EPB41L3: variants seen among roughly 807,000 people sequenced by gnomAD.
The protein encoded by EPB41L3 is erythrocyte membrane protein band 4.1 like 3, also known as band 4.1-like protein 3.
EPB41L3 carries 57 observed loss-of-function variants against 127.1 expected under a neutral mutation model. That is an observed-to-expected ratio of 0.45 (90% CI 0.36 to 0.56). The LOEUF (loss-of-function observed/expected upper bound fraction) is 0.56. EPB41L3 is among the 20% of genes least tolerant of loss of function. The probability of loss-of-function intolerance (pLI) is 0.00; values close to 1 mark genes in which losing one functional copy is unlikely to be tolerated. For missense variants in EPB41L3, 1,273 were observed against 1,372.2 expected (o/e 0.93, Z 1.14); for synonymous variants, 572 against 549.5 (o/e 1.04, Z -0.57).
In EPB41L3 at chr18:5,408,276, T is replaced by TTC. The variant is rs1568020227; in HGVS notation, c.2122-541_2122-540insGA. ...CCTTGATTTTCTTTTCTTTTTTCTTTTTTTTTTTTTTTTTTGAGACAGAGT... is the reference window on the plus strand; with the variant it reads ...CCTTGATTTTCTTTTCTTTTTTCTTTTCTTTTTTTTTTTTTTTGAGACAGAGT... On this transcript the variant is annotated intron_variant, in intron 14 of 22. Transcript: ENST00000341928. 4.8e-5 allele frequency among the ~76,000 whole-genome samples: 7 copies of TTC among 144,634 alleles called. No individual in the cohort carries two copies. In the South Asian group the frequency reaches 1.5e-3, roughly 31 times the overall value. 94.9% of individuals were successfully genotyped at this position (144,634 alleles called of 152,430 possible).
chr18:5,545,873 CTGTGTGTGTGTGTGTGTGTG>C (rs36213569), upstream of EPB41L3, among the ~76,000 whole-genome samples: 30 of 146,974 alleles, frequency 2.0e-4, no homozygotes, highest in African/African-American at 5.8e-4. Flanking sequence ...CTGTATGACT[CTGTGTGTGTGTGTGTGTGTG>C]TGTGTGTGTG....
intron 3 of EPB41L3, among the ~76,000 whole-genome samples, chr18:5,465,121 A>C (rs1231485977): frequency 6.6e-6 from 1 of 152,248 alleles, no homozygotes; most frequent in Non-Finnish European, 1.5e-5. Flanking sequence ...TAATCTCAGC[A>C]GGTTCAAACA....
chr18:5,618,201 C>A (rs933899957), intron 1 of EPB41L3, among the ~76,000 whole-genome samples: 4 of 152,178 alleles, frequency 2.6e-5, no homozygotes, highest in African/African-American at 9.7e-5. Flanking sequence ...TAGGTCTCTG[C>A]CTTTTATCAC....
intron 3 of EPB41L3, among the ~76,000 whole-genome samples, chr18:5,604,808 T>A (rs2094631408): frequency 6.6e-6 from 1 of 152,094 alleles, no homozygotes; most frequent in Non-Finnish European, 1.5e-5. Context: ...TTTCATTTCC[T>A]CTCCTTATCC....
chr18:5,607,451 C>T (rs778684532), intron 3 of EPB41L3, among the ~76,000 whole-genome samples: 27 of 152,190 alleles, frequency 1.8e-4, no homozygotes, highest in Non-Finnish European at 2.8e-4. Context: ...AGATAATTCT[C>T]TGCTTTTCAT....
At chr18:5,544,192 A>T, upstream of EPB41L3, 1 of 985,516 alleles carries the variant, frequency 1.0e-6, no homozygotes, top group African/African-American at 1.7e-5. Flanking sequence ...GGACAGTTAC[A>T]TGGGCACAGC....
At chr18:5,604,157 A>G (rs978210129) in intron 3 of EPB41L3, among the ~76,000 whole-genome samples, 1 of 152,024 alleles carries the variant, frequency 6.6e-6, no homozygotes, top group Non-Finnish European at 1.5e-5. Context: ...TTGTAATAGT[A>G]TTAGAATCAT....
At chr18:5,441,614 C>A (rs888537291) in intron 5 of EPB41L3, among the ~76,000 whole-genome samples, 6 of 152,034 alleles carry the variant, frequency 3.9e-5, no homozygotes, top group Admixed American at 6.5e-5. Context: ...TACAGGCGCA[C>A]GCCACCATGC....
chr18:5,505,342 T>TG (rs1165314871), intron 1 of EPB41L3, among the ~76,000 whole-genome samples: 4 of 152,076 alleles, frequency 2.6e-5, no homozygotes, highest in Non-Finnish European at 5.9e-5. Flanking sequence ...ATGCACCACA[T>TG]GGTCCTTCAG....
upstream of EPB41L3, among the ~76,000 whole-genome samples, chr18:5,547,268 A>T (rs1279707236): frequency 6.6e-6 from 1 of 152,168 alleles, no homozygotes; most frequent in African/African-American, 2.4e-5. Context: ...AGAATTCTTT[A>T]TTCTTGTCAA....
chr18:5,485,961 T>C (rs1264430591), intron 2 of EPB41L3, among the ~76,000 whole-genome samples: 3 of 152,080 alleles, frequency 2.0e-5, no homozygotes, highest in African/African-American at 7.2e-5. Flanking sequence ...AAAATACCTA[T>C]GACACTCTTC....
At chr18:5,547,096 C>T (rs1218952734), upstream of EPB41L3, among the ~76,000 whole-genome samples, 1 of 152,102 alleles carries the variant, frequency 6.6e-6, no homozygotes, top group African/African-American at 2.4e-5. Flanking sequence ...CTATTTAGCT[C>T]TCATCAGGAA....
intron 13 of EPB41L3, among the ~76,000 whole-genome samples, chr18:5,411,547 TC>T (rs2076194080): frequency 6.6e-6 from 1 of 152,100 alleles, no homozygotes; most frequent in African/African-American, 2.4e-5. Flanking sequence ...AACTGTTTTC[TC>T]TCGAGTAGAG....
chr18:5,435,995 GA>G (rs1398143084), intron 6 of EPB41L3, among the ~76,000 whole-genome samples: 1 of 152,198 alleles, frequency 6.6e-6, no homozygotes, highest in Admixed American at 6.5e-5. Context: ...TTAAACTGGA[GA>G]AATTAACATT....
chr18:5,479,383 G>A (rs940364293), intron 2 of EPB41L3, among the ~76,000 whole-genome samples: 2 of 152,110 alleles, frequency 1.3e-5, no homozygotes, highest in East Asian at 1.9e-4. Flanking sequence ...TTCCTTTCCC[G>A]TGTACATACT....
At chr18:5,626,017 C>T (rs1337518734) in intron 1 of EPB41L3, among the ~76,000 whole-genome samples, 1 of 151,884 alleles carries the variant, frequency 6.6e-6, no homozygotes, top group Non-Finnish European at 1.5e-5. Context: ...GAAATCGCAC[C>T]CAATCAGCCC....
intron 11 of EPB41L3, among the ~76,000 whole-genome samples, chr18:5,422,159 CAG>C (rs1960708070): frequency 1.3e-5 from 2 of 152,108 alleles, no homozygotes; most frequent in African/African-American, 2.4e-5. Flanking sequence ...TCAACCACCG[CAG>C]AGACAGAGGG....
At chr18:5,407,291 G>A in intron 15 of EPB41L3, 1 of 391,678 alleles carries the variant, frequency 2.6e-6, no homozygotes, top group Non-Finnish European at 4.6e-6. Context: ...ATATCTAGGA[G>A]CGAATAACAA....
At position 5,434,147 on chromosome 18, in the gene EPB41L3, A is replaced by G. The variant is rs754071832; in HGVS notation, c.606-26T>C. On this transcript the variant is annotated intron_variant, in intron 6 of 22. Transcript: ENST00000341928. ...CTTCCAGGAACCAAAAGCACAACAC[A>G]ACGAAGGCAGCATGAGGATACAGGA... 8.2e-6 allele frequency: 13 copies of G among 1,592,656 alleles called. No individual in the cohort carries two copies. The South Asian group carries it at 1.3e-4, about 16-fold the overall frequency.
Sources: gnomAD v4.1 joint callset for allele counts (sites outside exome capture counted in the v4.1 genomes callset) on GRCh38, gnomAD v4.1.1 for gene constraint, MANE v1.5 for transcripts, NCBI Gene and HGNC (gene_info 2026-07-23, HGNC 2026-07-21) for gene names.